The following EPM2A variants were observed in gnomAD, a reference collection of about 807,000 sequenced individuals.
EPM2A encodes the protein laforin.
Under a neutral mutation model 26.5 loss-of-function variants are expected in EPM2A, and 21 were observed. The observed-to-expected ratio is 0.79, with a 90% CI of 0.56 to 1.14. EPM2A has a LOEUF of 1.14. EPM2A is among the 50% of genes most tolerant of loss of function. EPM2A has a pLI of 0.00. For missense variants in EPM2A, 458 were observed against 440.8 expected (o/e 1.04, Z -0.35); for synonymous variants, 217 against 177.6 (o/e 1.22, Z -1.76).
Position 145,635,491 on chromosome 6 carries a change from T to A in EPM2A, c.477-5A>T, listed in dbSNP as rs749100678. On this transcript the variant is annotated splice_polypyrimidine_tract_variant and splice_region_variant and intron_variant, in intron 2 of 3. Coordinates refer to ENST00000367519, the MANE Select transcript of EPM2A (RefSeq NM_005670.4). ...AGCCAGATATTTGGTAGAATTCTAA[T>A]GAGAACATATGGAGACAACTATCAC... The A allele has an allele frequency of 1.9e-6, 3 of 1,614,008 alleles. No individual in the cohort carries two copies. Among genetic ancestry groups the A allele is most frequent in the Non-Finnish European group, 2.5e-6 (3 of 1,179,806 alleles).
At chr6:145,396,167 C>G (rs1856266) in intron 4 of EPM2A, among the ~76,000 whole-genome samples, 40,149 of 152,034 alleles carry the variant, frequency 0.26, 5,677 homozygotes, top group Non-Finnish European at 0.32. Context: ...ATTTCTCTGA[C>G]AAGACATAGG....
chr6:145,713,092 AT>A (rs937902479), intron 1 of EPM2A, among the ~76,000 whole-genome samples: 1 of 152,092 alleles, frequency 6.6e-6, no homozygotes, highest in African/African-American at 2.4e-5. Flanking sequence ...TTTTCCACAA[AT>A]TTTTTAAGCT....
downstream of EPM2A, among the ~76,000 whole-genome samples, chr6:145,498,516 G>A (rs753867201): frequency 1.2e-4 from 19 of 152,136 alleles, no homozygotes; most frequent in African/African-American, 4.3e-4. Context: ...CAGTGGAGTG[G>A]GTTCATGAGG....
chr6:145,433,409 C>T (rs945468241), intron 4 of EPM2A, among the ~76,000 whole-genome samples: 3 of 152,124 alleles, frequency 2.0e-5, no homozygotes, highest in Admixed American at 2.0e-4. Context: ...ATTTGTCCCA[C>T]ATTTTATTTT....
intron 2 of EPM2A, chr6:145,671,363 G>C (rs1779628219): frequency 5.0e-6 from 5 of 1,003,664 alleles, no homozygotes; most frequent in African/African-American, 1.7e-5. Flanking sequence ...GCACCATCTT[G>C]AGGCACAACT....
chr6:145,584,299 C>T (rs1206666629), intron 2 of EPM2A, among the ~76,000 whole-genome samples: 2 of 152,100 alleles, frequency 1.3e-5, no homozygotes, highest in African/African-American at 4.8e-5. Context: ...ATGAAGGCCC[C>T]TGCAAAGCAC....
At chr6:145,444,885 AC>A (rs1450014899) in intron 4 of EPM2A, among the ~76,000 whole-genome samples, 1 of 151,852 alleles carries the variant, frequency 6.6e-6, no homozygotes, top group African/African-American at 2.4e-5. Context: ...TTGTTAAGTG[AC>A]TTTTCTGAAC....
At chr6:145,418,310 T>C (rs1172166187) in intron 4 of EPM2A, among the ~76,000 whole-genome samples, 1 of 152,206 alleles carries the variant, frequency 6.6e-6, no homozygotes, top group Non-Finnish European at 1.5e-5. Flanking sequence ...GCTCAGTTCT[T>C]GTTCACTCTT....
intron 2 of EPM2A, among the ~76,000 whole-genome samples, chr6:145,587,846 T>C (rs145099163): frequency 2.4e-4 from 37 of 152,330 alleles, no homozygotes; most frequent in African/African-American, 5.8e-4. Context: ...TTGAAAGGCA[T>C]GCCATTTTTC....
chr6:145,409,939 T>C (rs1361218050), intron 4 of EPM2A, among the ~76,000 whole-genome samples: 1 of 152,180 alleles, frequency 6.6e-6, no homozygotes, highest in Non-Finnish European at 1.5e-5. Context: ...GTCTTCCAAG[T>C]GAGAGACCAA....
In EPM2A at chr6:145,694,485, T is replaced by C. The variant is rs944559948; in HGVS notation, c.302-8189A>G. On this transcript the variant is annotated intron_variant, in intron 1 of 3. Transcript: ENST00000367519. ...TTTGATGAATGGCAAAATGCAAACG[T>C]AGAAAATAGCTGAGTTCAGGGGTAG... Among the ~76,000 whole-genome samples, 12 of 152,062 alleles carry C rather than the reference T, an allele frequency of 7.9e-5. 1 individual carries two copies. In the South Asian group the frequency reaches 1.9e-3, roughly 24 times the overall value.
At chr6:145,571,300 C>G (rs1474688521) in intron 2 of EPM2A, among the ~76,000 whole-genome samples, 3 of 152,180 alleles carry the variant, frequency 2.0e-5, no homozygotes, top group Admixed American at 1.3e-4. Flanking sequence ...TTCAAAAGGC[C>G]ATTCCACTTT....
intron 2 of EPM2A, among the ~76,000 whole-genome samples, chr6:145,559,483 C>T (rs1486413819): frequency 6.6e-6 from 1 of 151,962 alleles, no homozygotes; most frequent in Non-Finnish European, 1.5e-5. Flanking sequence ...CTGTATGAAG[C>T]TAACAAATAA....
chr6:145,581,032 C>A (rs933962672), intron 2 of EPM2A, among the ~76,000 whole-genome samples: 4 of 152,090 alleles, frequency 2.6e-5, no homozygotes, highest in African/African-American at 9.7e-5. Flanking sequence ...GGGTATATAT[C>A]CAATAATTGG....
At chr6:145,547,838 C>G (rs548401759) in intron 2 of EPM2A, among the ~76,000 whole-genome samples, 1 of 152,168 alleles carries the variant, frequency 6.6e-6, no homozygotes, top group South Asian at 2.1e-4. Flanking sequence ...ACAGACACTA[C>G]CTTGGGTCAT....
rs188144317 is a variant in EPM2A at position 145,478,306 on chromosome 6, T to C, written c.555+24216A>G. ...CCAAAAAAAATGGAAAAATATTCTA[T>C]GTTCATAGATGGGAAGAATCAATAT... On this transcript the variant is annotated intron_variant, in intron 4 of 4. Transcript: ENST00000638717. 3.3e-5 allele frequency among the ~76,000 whole-genome samples: 5 copies of C among 152,036 alleles called. No homozygotes were observed. In the East Asian group the frequency reaches 9.6e-4, roughly 29 times the overall value.
At chr6:145,719,967 C>A (rs755642091) in intron 1 of EPM2A, among the ~76,000 whole-genome samples, 4 of 152,100 alleles carry the variant, frequency 2.6e-5, no homozygotes, top group Non-Finnish European at 5.9e-5. Context: ...AAAGTTAACA[C>A]ATTTTTGTAT....
At chr6:145,404,450 C>CTT (rs11453616) in intron 4 of EPM2A, among the ~76,000 whole-genome samples, 3 of 151,430 alleles carry the variant, frequency 2.0e-5, no homozygotes, top group Non-Finnish European at 4.4e-5. Context: ...TTGTCTAAAG[C>CTT]TTTTTTTACC....
At position 145,458,072 on chromosome 6, in the gene EPM2A, C is replaced by T. The variant is rs187880740; in HGVS notation, c.555+44450G>A. Among the ~76,000 whole-genome samples the T allele has an allele frequency of 1.9e-3, 282 of 152,306 alleles. 4 individuals carry two copies. Among genetic ancestry groups the T allele is most frequent in the Non-Finnish European group, 3.5e-4 (24 of 68,026 alleles). On this transcript the variant is annotated intron_variant, in intron 4 of 4. Transcript: ENST00000638717. The stretch of plus-strand genomic sequence containing the variant: ...CCAAATACAGAGAGTTTCAGTGCTA[C>T]ACTCACCTATGTGGAAAGTCCAGAC...
Sources: allele counts gnomAD v4.1 joint callset (sites outside exome capture counted in the v4.1 genomes callset), GRCh38; gene constraint gnomAD v4.1.1; transcripts MANE v1.5; gene names NCBI Gene and HGNC (gene_info 2026-07-23, HGNC 2026-07-21).